Variants in TRAF5 observed in about 807,000 individuals in gnomAD.
The protein encoded by TRAF5 is TNF receptor-associated factor 5.
Under a neutral mutation model 64.5 loss-of-function variants are expected in TRAF5, and 48 were observed. The ratio of observed to expected loss-of-function variants is 0.74; its 90% CI spans 0.59 to 0.95. The LOEUF (loss-of-function observed/expected upper bound fraction) is 0.95. TRAF5 is among the 40% of genes least tolerant of loss of function. TRAF5 has a pLI of 0.00. For missense variants in TRAF5, 545 were observed against 662.8 expected, an observed-to-expected ratio of 0.82 and a Z score of 1.95; for synonymous variants, 206 against 240.5, an observed-to-expected ratio of 0.86 and a Z score of 1.33.
chr1:211,341,436 A>C (rs1159800324), intron 1 of TRAF5, among the ~76,000 whole-genome samples: 1 of 152,256 alleles, frequency 6.6e-6, no homozygotes, highest in Non-Finnish European at 1.5e-5. Context: ...AGTTTAGATC[A>C]TCAAACTAAC....
chr1:211,334,637 G>T (rs2102712571), intron 1 of TRAF5, among the ~76,000 whole-genome samples: 1 of 152,262 alleles, frequency 6.6e-6, no homozygotes, highest in Admixed American at 6.5e-5. Context: ...CAGCCTGGGG[G>T]ACAGAGTGAG....
intron 4 of TRAF5, chr1:211,357,866 A>C (rs1288388185): frequency 1.3e-5 from 2 of 152,168 alleles, no homozygotes; most frequent in African/African-American, 2.4e-5. Context: ...TCATCATCAT[A>C]ATCATAAAAG....
In TRAF5 at chr1:211,365,431, G is replaced by C. The variant is rs143383996; in HGVS notation, c.752G>C (p.Arg251Pro). 1 of 1,613,782 alleles carries C rather than the reference G, an allele frequency of 6.2e-7. No homozygotes were observed. Among genetic ancestry groups the C allele is most frequent in the Non-Finnish European group, 8.5e-7 (1 of 1,179,826 alleles). ...CATTCAGCCTTACGGGAGCACATGC[G>C]TTTGGTTTTAGAAAAGAATGTCCAA... ...HEHSALREHM[R>P]LVLEKNVQLE... Residue 251 changes from arginine (R) to proline (P), a missense_variant, in exon 8 of 11, where the codon CGT (arginine) becomes CCT (proline). Transcript: ENST00000261464.
intron 9 of TRAF5, 93 bp from the exon 10 acceptor site, chr1:211,371,209 T>G: frequency 3.5e-6 from 4 of 1,137,440 alleles, no homozygotes; most frequent in Non-Finnish European, 4.9e-6. Flanking sequence ...TGATTAAATG[T>G]GATATGTTTG....
chr1:211,327,363 A>G (rs908070072), intron 1 of TRAF5, among the ~76,000 whole-genome samples: 2 of 152,120 alleles, frequency 1.3e-5, no homozygotes, highest in South Asian at 2.1e-4. Context: ...AGGGCTTTCC[A>G]ATCAAAGCAA....
chr1:211,353,988 G>C (rs74137658), intron 2 of TRAF5, among the ~76,000 whole-genome samples: 4,556 of 152,334 alleles, frequency 0.03, 223 homozygotes, highest in African/African-American at 0.1. Flanking sequence ...TTGAAAGGGG[G>C]TTATTACAGC....
At position 211,327,262 on chromosome 1, in the gene TRAF5, G is replaced by C. The variant is rs561423858; in HGVS notation, c.-2+373G>C. 7.2e-4 allele frequency among the ~76,000 whole-genome samples: 110 copies of C among 152,270 alleles called. 1 individual carries two copies. Among genetic ancestry groups the C allele is most frequent in the East Asian group, 5.8e-3 (30 of 5,164 alleles). On this transcript the variant is annotated intron_variant, in intron 1 of 10. Coordinates refer to ENST00000261464, the MANE Select transcript of TRAF5 (RefSeq NM_001033910.3). ...CCAGGTTCCGTCGGGGTGCACTGGC[G>C]GGGAGGACTTTCAGGCACGTCCCGC...
chr1:211,350,088 A>T (rs1208939670), intron 1 of TRAF5, among the ~76,000 whole-genome samples: 1 of 146,580 alleles, frequency 6.8e-6, no homozygotes, highest in Non-Finnish European at 1.5e-5. Context: ...AAATCCCAAG[A>T]GTCAACCATG....
At chr1:211,336,773 C>A (rs1027814301) in intron 1 of TRAF5, among the ~76,000 whole-genome samples, 3 of 152,224 alleles carry the variant, frequency 2.0e-5, no homozygotes, top group Admixed American at 6.5e-5. Context: ...GATTCTTATG[C>A]CTCAGCCTCC....
intron 1 of TRAF5, among the ~76,000 whole-genome samples, chr1:211,332,175 A>G (rs138558549): frequency 1.9e-3 from 294 of 152,254 alleles, no homozygotes; most frequent in African/African-American, 6.8e-3. Context: ...AGTTTTCAGG[A>G]CTTGTGGGCA....
chr1:211,341,029 G>A (rs1702435753), intron 1 of TRAF5, among the ~76,000 whole-genome samples: 1 of 152,242 alleles, frequency 6.6e-6, no homozygotes, highest in African/African-American at 2.4e-5. Flanking sequence ...AAGGAGGATG[G>A]TCAGGAAGGG....
chr1:211,368,413 T>A (rs1703421475), intron 8 of TRAF5, among the ~76,000 whole-genome samples: 1 of 152,176 alleles, frequency 6.6e-6, no homozygotes, highest in South Asian at 2.1e-4. Context: ...AAGCACCTAC[T>A]GGTACCAGGC....
chr1:211,369,960 T>G (rs1189744175), intron 9 of TRAF5, among the ~76,000 whole-genome samples: 2 of 152,204 alleles, frequency 1.3e-5, no homozygotes, highest in Non-Finnish European at 2.9e-5. Context: ...AAGATCTTCT[T>G]TTACACAACC....
rs537836161 is a variant in TRAF5 at position 211,353,203 on chromosome 1, C to T, written c.-1-36C>T. On this transcript the variant is annotated intron_variant, in intron 1 of 10. Coordinates refer to ENST00000261464, the MANE Select transcript of TRAF5 (RefSeq NM_001033910.3). ...GGCTGTGGTTGTTTCAGTGTTTGCA[C>T]ACTTAATTTTCCCTCTCCTCCCCTG... 1.9e-5 allele frequency: 31 copies of T among 1,597,980 alleles called. No individual in the cohort carries two copies. The South Asian group carries it at 3.1e-4, about 16-fold the overall frequency.
intron 8 of TRAF5, among the ~76,000 whole-genome samples, chr1:211,366,583 A>G (rs1179424046): frequency 2.0e-5 from 3 of 152,206 alleles, no homozygotes; most frequent in African/African-American, 7.2e-5. Flanking sequence ...GAAGACTTTC[A>G]AGGTAAGACA....
intron 1 of TRAF5, among the ~76,000 whole-genome samples, chr1:211,333,622 C>T (rs1275503086): frequency 2.0e-5 from 3 of 152,036 alleles, no homozygotes; most frequent in Non-Finnish European, 4.4e-5. Context: ...CTCAGCCCCC[C>T]GAGTAGCTGA....
chr1:211,327,649 G>T (rs750043082), intron 1 of TRAF5, among the ~76,000 whole-genome samples: 26 of 152,194 alleles, frequency 1.7e-4, no homozygotes, highest in Admixed American at 6.5e-4. Flanking sequence ...CTCTTGCTGC[G>T]GGTCCCACTG....
rs1420183001 is a variant in TRAF5, at chr1:211,354,494, C to T, written c.276+27C>T. 3.7e-6 allele frequency: 6 copies of T among 1,610,764 alleles called. No homozygotes were observed. The Admixed American group carries it at 5.0e-5, about 13-fold the overall frequency. ...TAAGAAAGTCACTGCTTTTGTCTAG[C>T]AGCTCTCAGGGTGATGGAGAAGAAG... On this transcript the variant is annotated intron_variant, in intron 3 of 10. Transcript: ENST00000261464.
chr1:211,349,193 G>A (rs1702707150), intron 1 of TRAF5, among the ~76,000 whole-genome samples: 1 of 152,186 alleles, frequency 6.6e-6, no homozygotes, highest in African/African-American at 2.4e-5. Flanking sequence ...GGGCTACAGA[G>A]TGAGACCCTG....
Sources: gnomAD v4.1 joint callset for allele counts (sites outside exome capture counted in the v4.1 genomes callset) on GRCh38, gnomAD v4.1.1 for gene constraint, MANE v1.5 for transcripts, NCBI Gene and HGNC (gene_info 2026-07-23, HGNC 2026-07-21) for gene names.